Variants in SHTN1 observed in about 807,000 individuals in gnomAD.
SHTN1 encodes the protein shootin-1.
A neutral mutation model predicts 83.1 loss-of-function variants in SHTN1; 42 were observed. The ratio of observed to expected loss-of-function variants is 0.51; its 90% CI spans 0.39 to 0.65. SHTN1 has a LOEUF of 0.65. Ranked by LOEUF, SHTN1 falls within the 30% of genes least tolerant of loss-of-function variation. The pLI is 0.00. For missense variants in SHTN1, 622 were observed against 737.8 expected (o/e 0.84, Z 1.82); for synonymous variants, 224 against 247.7 (o/e 0.90, Z 0.90).
At chr10:117,098,255 G>C (rs1853536295) in intron 1 of SHTN1, among the ~76,000 whole-genome samples, 1 of 148,810 alleles carries the variant, frequency 6.7e-6, no homozygotes. Context: ...AAATTAGCCA[G>C]ACGTAGTGGT....
intron 15 of SHTN1, 147 bp from the exon 16 acceptor site, chr10:116,902,104 G>C: frequency 1.4e-6 from 1 of 692,446 alleles, no homozygotes; most frequent in South Asian, 2.2e-5. Context: ...AAATGTTGTT[G>C]GAAATCTGCT....
chr10:116,964,443 T>G (rs918457020), intron 3 of SHTN1, among the ~76,000 whole-genome samples: 1 of 152,246 alleles, frequency 6.6e-6, no homozygotes, highest in Non-Finnish European at 1.5e-5. Flanking sequence ...TAATTCATTA[T>G]ACAAGGTGTC....
At chr10:117,064,937 C>G (rs1015022151) in intron 1 of SHTN1, among the ~76,000 whole-genome samples, 3 of 152,194 alleles carry the variant, frequency 2.0e-5, no homozygotes, top group African/African-American at 7.2e-5. Context: ...TGATTCCTTT[C>G]TTACTCATTT....
intron 1 of SHTN1, among the ~76,000 whole-genome samples, chr10:117,105,014 T>G (rs1026802933): frequency 2.6e-5 from 4 of 151,576 alleles, no homozygotes; most frequent in Admixed American, 1.3e-4. Context: ...TGCCCTTACC[T>G]CAAATGCGTA....
At chr10:116,911,750 T>C in intron 14 of SHTN1, 40 bp downstream of exon 14, 1 of 1,581,996 alleles carries the variant, frequency 6.3e-7, no homozygotes, top group Middle Eastern at 1.7e-4. Flanking sequence ...CTCCTTTCAT[T>C]TCCCCATTAG....
At chr10:117,046,801 C>G (rs1257279965) in intron 2 of SHTN1, among the ~76,000 whole-genome samples, 2 of 151,984 alleles carry the variant, frequency 1.3e-5, no homozygotes, top group East Asian at 3.9e-4. Flanking sequence ...ATAGGACAGT[C>G]CATAGAGACA....
intron 12 of SHTN1, among the ~76,000 whole-genome samples, chr10:116,915,901 A>T (rs1375338389): frequency 6.6e-6 from 1 of 152,190 alleles, no homozygotes; most frequent in Non-Finnish European, 1.5e-5. Flanking sequence ...AGAAACAACT[A>T]CCAGAAATCC....
At chr10:117,087,905 C>G (rs962559368) in intron 1 of SHTN1, among the ~76,000 whole-genome samples, 1 of 152,118 alleles carries the variant, frequency 6.6e-6, no homozygotes, top group African/African-American at 2.4e-5. Flanking sequence ...GAGCTTGAGA[C>G]CACCCTGGGC....
chr10:117,019,912 T>C (rs2133563350), intron 2 of SHTN1, among the ~76,000 whole-genome samples: 1 of 152,124 alleles, frequency 6.6e-6, no homozygotes, highest in East Asian at 1.9e-4. Context: ...AGATATACCA[T>C]GCCCAGTATA....
intron 1 of SHTN1, among the ~76,000 whole-genome samples, chr10:117,104,047 A>G (rs527471361): frequency 6.6e-6 from 1 of 152,180 alleles, no homozygotes; most frequent in African/African-American, 2.4e-5. Context: ...CATTTTATAG[A>G]TGGGGAAGCT....
intron 16 of SHTN1, chr10:116,900,675 G>A (rs1008727190): frequency 2.7e-6 from 4 of 1,468,776 alleles, no homozygotes; most frequent in Non-Finnish European, 9.0e-7. Context: ...TGTCAAATTA[G>A]GTGTTAAACA....
At chr10:117,114,110 A>G (rs1250293188) in intron 1 of SHTN1, among the ~76,000 whole-genome samples, 2 of 152,176 alleles carry the variant, frequency 1.3e-5, no homozygotes, top group Non-Finnish European at 2.9e-5. Flanking sequence ...TCAGGAGGCT[A>G]AAGTGGGAGG....
intron 1 of SHTN1, among the ~76,000 whole-genome samples, chr10:117,063,397 G>C (rs1193982902): frequency 1.3e-5 from 2 of 152,078 alleles, no homozygotes; most frequent in African/African-American, 4.8e-5. Flanking sequence ...GAGTCACTTT[G>C]GGCACTCCCA....
chr10:117,022,257 T>A (rs1210043836), intron 2 of SHTN1, among the ~76,000 whole-genome samples: 8 of 152,228 alleles, frequency 5.3e-5, no homozygotes, highest in Non-Finnish European at 1.5e-5. Context: ...GCAGTTCAAC[T>A]TTTTATTTTA....
At chr10:116,898,707 A>AT (rs1847609651) in intron 16 of SHTN1, among the ~76,000 whole-genome samples, 1 of 152,156 alleles carries the variant, frequency 6.6e-6, no homozygotes, top group Non-Finnish European at 1.5e-5. Context: ...CCAAGCCCTG[A>AT]TTATCTTTTC....
chr10:116,979,236 A>T lies in SHTN1; in HGVS notation c.111+20T>A, dbSNP rs1436958551. ...CTTTTACACATGTAAGAAAGGGGAA[A>T]AAAAAGGTAAAGTACAAACCTTCTC... is the stretch of plus-strand genomic sequence containing the variant. On this transcript the variant is annotated intron_variant, in intron 2 of 16. Transcript: ENST00000355371. The T allele has an allele frequency of 6.2e-7, 1 of 1,609,672 alleles. No individual in the cohort carries two copies. Among genetic ancestry groups the T allele is most frequent in the South Asian group, 1.1e-5 (1 of 90,970 alleles).
chr10:117,105,435 CTTA>C, intron 1 of SHTN1, among the ~76,000 whole-genome samples: 1 of 152,122 alleles, frequency 6.6e-6, no homozygotes, highest in Non-Finnish European at 1.5e-5. Context: ...ATTAGGAATT[CTTA>C]TTCTTATGTG....
chr10:117,090,362 C>T (rs1227748006), intron 1 of SHTN1, among the ~76,000 whole-genome samples: 5 of 152,104 alleles, frequency 3.3e-5, no homozygotes, highest in Non-Finnish European at 7.4e-5. Context: ...TAGTCAGATT[C>T]ATAGAGACAG....
rs530389535 is a variant in SHTN1, at chr10:117,004,859, C to T, written c.58+163G>A. On this transcript the variant is annotated intron_variant, in intron 1 of 16. Coordinates refer to ENST00000355371, the MANE Select transcript of SHTN1 (RefSeq NM_001127211.3). ...CGGTCCAGAGCTTTCCCAGGCGCGC[C>T]GGCCACGGAGGACGCTTCTCTGCGG... Among the ~76,000 whole-genome samples the T allele has an allele frequency of 2.0e-5, 3 of 152,314 alleles. No individual in the cohort carries two copies. The South Asian group carries it at 6.2e-4, about 32-fold the overall frequency.
Sources: gnomAD v4.1 joint callset for allele counts (sites outside exome capture counted in the v4.1 genomes callset) on GRCh38, gnomAD v4.1.1 for gene constraint, MANE v1.5 for transcripts, NCBI Gene and HGNC (gene_info 2026-07-23, HGNC 2026-07-21) for gene names.